SFMBT2: variants seen among roughly 807,000 people sequenced by gnomAD.
SFMBT2 encodes the protein scm-like with four MBT domains protein 2.
Under a neutral mutation model 110.1 loss-of-function variants are expected in SFMBT2, and 38 were observed. The ratio of observed to expected loss-of-function variants is 0.35; its 90% CI spans 0.27 to 0.45. The LOEUF is 0.45. Among genes scored for constraint, SFMBT2 ranks in the 20% least tolerant of loss-of-function variants. The pLI is 1.00. For missense variants in SFMBT2, 1,011 were observed against 1,094.9 expected, an observed-to-expected ratio of 0.92 and a Z score of 1.08; for synonymous variants, 425 against 425.4, an observed-to-expected ratio of 1.00 and a Z score of 0.01.
intron 16 of SFMBT2, among the ~76,000 whole-genome samples, chr10:7,177,467 C>A (rs983587446): frequency 2.0e-5 from 3 of 152,044 alleles, no homozygotes; most frequent in African/African-American, 7.2e-5. Flanking sequence ...GAAGCCATAA[C>A]CCCCGATAGG....
Position 7,163,905 on chromosome 10 carries a change from A to G in SFMBT2, c.2550T>C (p.Ile850=). The G allele has an allele frequency of 4.3e-6, 7 of 1,612,544 alleles. No homozygotes were observed. Among genetic ancestry groups the G allele is most frequent in the Non-Finnish European group, 5.9e-6 (7 of 1,179,312 alleles). ...PLAKIFQEQD[I]DGQALLLLTL... ...TCAGAAGCAGGAGTGCTTGGCCGTC[A>G]ATATCCTGCAGGAAAAGAAAGGCAG... The change falls in exon 21 of 21, where the codon ATT becomes ATC. Residue 850 remains isoleucine, a synonymous_variant. Coordinates refer to ENST00000397167, the MANE Select transcript of SFMBT2 (RefSeq NM_001387889.1). This position sits in a 1 kb window ranked among gnomAD's most constrained non-coding sequence, Gnocchi z 4.8.
At position 7,191,022 on chromosome 10, in the gene SFMBT2, G is replaced by A. The variant is rs1032559861; in HGVS notation, c.1699-2289C>T. 2.7e-5 allele frequency among the ~76,000 whole-genome samples: 4 copies of A among 150,870 alleles called. No homozygotes were observed. The East Asian group carries it at 5.8e-4, about 22-fold the overall frequency. ...CTCCCATTCTCTCGTCTGCTGCCAT[G>A]TAAGACGTGCCTTTTGCCGTCTGCC... On this transcript the variant is annotated intron_variant, in intron 15 of 20. Coordinates refer to ENST00000397167, the MANE Select transcript of SFMBT2 (RefSeq NM_001387889.1).
Position 7,162,007 on chromosome 10 carries a change from A to G in SFMBT2, c.*1763T>C, listed in dbSNP as rs1837562155. On this transcript the variant is annotated 3_prime_UTR_variant, in exon 21 of 21. Transcript: ENST00000397167. The stretch of plus-strand genomic sequence containing the variant: ...CTGTGGGAGGGTTTGGTTTCCTTGC[A>G]TAAGTTTAAGAAGGCATCTTGGCAG... 6.6e-6 allele frequency: 1 copy of G among 152,230 alleles called. No homozygotes were observed. The highest frequency in any genetic ancestry group is 1.5e-5 in the Non-Finnish European group (1 of 68,100). The allele number at this position is 152,230 out of a possible 1,614,324, so 9.4% of individuals were successfully genotyped here.
At chr10:7,341,801 G>C (rs1480279977) in intron 4 of SFMBT2, among the ~76,000 whole-genome samples, 1 of 152,212 alleles carries the variant, frequency 6.6e-6, no homozygotes, top group Non-Finnish European at 1.5e-5. Context: ...GGATGGCTTT[G>C]AACAGCTCAT....
chr10:7,350,112 A>G (rs1380516272), intron 4 of SFMBT2, among the ~76,000 whole-genome samples: 1 of 151,986 alleles, frequency 6.6e-6, no homozygotes, highest in Admixed American at 6.6e-5. Flanking sequence ...GTTCGTGGCT[A>G]GGTCATGGTG....
At chr10:7,283,772 T>G in intron 6 of SFMBT2, 132 bp downstream of exon 6, 1 of 735,634 alleles carries the variant, frequency 1.4e-6, no homozygotes, top group Non-Finnish European at 2.3e-6. Flanking sequence ...ATTGTGAAGT[T>G]AAAGTGCTTA....
chr10:7,204,753 A>G (rs1749099091), intron 12 of SFMBT2: 1 of 192,994 alleles, frequency 5.2e-6, no homozygotes, highest in African/African-American at 2.4e-5. Context: ...CACGCCTGTT[A>G]TCTCAGCTAC....
intron 1 of SFMBT2, among the ~76,000 whole-genome samples, chr10:7,395,114 T>C (rs1845887761): frequency 6.6e-6 from 1 of 151,790 alleles, no homozygotes. Context: ...AGGTCAGGAG[T>C]TCGAGACCAG....
chr10:7,269,466 A>G (rs982660370), intron 7 of SFMBT2, among the ~76,000 whole-genome samples: 4 of 152,194 alleles, frequency 2.6e-5, no homozygotes, highest in African/African-American at 9.7e-5. Context: ...AAGTGTAAAA[A>G]TAATAAAAAG....
At chr10:7,190,386 C>T (rs995638431) in intron 15 of SFMBT2, among the ~76,000 whole-genome samples, 6 of 152,176 alleles carry the variant, frequency 3.9e-5, no homozygotes, top group African/African-American at 9.7e-5. Flanking sequence ...CCCAGAGCTG[C>T]ATGTTATTTG....
intron 7 of SFMBT2, 121 bp from the exon 8 acceptor site, chr10:7,248,770 T>G (rs1840705466): frequency 4.0e-6 from 3 of 742,832 alleles, no homozygotes; most frequent in Non-Finnish European, 6.5e-6. Context: ...ACAATTAACC[T>G]TCCCTGTTTC....
intron 11 of SFMBT2, among the ~76,000 whole-genome samples, chr10:7,216,080 G>A (rs924055681): frequency 2.6e-5 from 4 of 152,180 alleles, no homozygotes; most frequent in Admixed American, 1.3e-4. Context: ...TTAGAAATGG[G>A]GAAACCAGGG....
chr10:7,266,378 C>T (rs1356085141), intron 7 of SFMBT2, among the ~76,000 whole-genome samples: 1 of 152,174 alleles, frequency 6.6e-6, no homozygotes, highest in Non-Finnish European at 1.5e-5. Context: ...GCATGAGCCA[C>T]CACGCCCAGT....
At position 7,170,849 on chromosome 10, in the gene SFMBT2, A is replaced by C. The variant is rs1837853887; in HGVS notation, c.2544+79T>G. On this transcript the variant is annotated intron_variant, in intron 20 of 20. Coordinates refer to ENST00000397167, the MANE Select transcript of SFMBT2 (RefSeq NM_001387889.1). This position sits in a 1 kb window ranked among gnomAD's most constrained non-coding sequence, Gnocchi z 4.6. ...GAACCCCCTCGCAGGTGTCACGAGG[A>C]AGCCGGCTAGGACACGAGGTTCATT... The C allele has an allele frequency of 1.3e-6, 2 of 1,576,598 alleles. No individual in the cohort carries two copies. Among genetic ancestry groups the C allele is most frequent in the Non-Finnish European group, 1.7e-6 (2 of 1,151,566 alleles).
At position 7,394,581 on chromosome 10, in the gene SFMBT2, C is replaced by T. The variant is rs186349170; in HGVS notation, c.-51-12632G>A. On this transcript the variant is annotated intron_variant, in intron 1 of 20. Transcript: ENST00000397167. ...CTGCGTCCTTAGGTCTCTGCAAACA[C>T]GCCAGGAGTGACTACTCTCAGTGCA... 1.3e-4 allele frequency among the ~76,000 whole-genome samples: 19 copies of T among 150,772 alleles called. No individual in the cohort carries two copies. In the East Asian group the frequency reaches 2.4e-3, roughly 19 times the overall value.
rs1839094262 is a variant in SFMBT2 at position 7,205,348 on chromosome 10, C to T, written c.1444+467G>A. ...CTCAAGCATTCTCCTGCCTTGGCCT[C>T]CCAAAGTACTGAGATTATAGGAATG... is the stretch of plus-strand genomic sequence containing the variant. On this transcript the variant is annotated intron_variant, in intron 12 of 20. Transcript: ENST00000397167. The T allele has an allele frequency of 3.1e-6, 3 of 961,770 alleles. No individual in the cohort carries two copies. The South Asian group carries it at 1.4e-4, about 46-fold the overall frequency. The allele number at this position is 961,770 out of a possible 1,614,324, so 59.6% of individuals were successfully genotyped here.
intron 20 of SFMBT2, among the ~76,000 whole-genome samples, chr10:7,166,684 C>A (rs1186966968): frequency 6.6e-6 from 1 of 152,142 alleles, no homozygotes; most frequent in Non-Finnish European, 1.5e-5. Flanking sequence ...ACAGGACAGG[C>A]AACCAAGCCA....
intron 14 of SFMBT2, among the ~76,000 whole-genome samples, chr10:7,199,358 C>T (rs1838878954): frequency 1.3e-5 from 2 of 152,074 alleles, no homozygotes; most frequent in Non-Finnish European, 2.9e-5. Flanking sequence ...CCTGACTCTA[C>T]CCAAGCTCCA....
chr10:7,178,017 C>A (rs1450661600), intron 16 of SFMBT2, among the ~76,000 whole-genome samples: 1 of 152,232 alleles, frequency 6.6e-6, no homozygotes, highest in Non-Finnish European at 1.5e-5. Context: ...TCATCTTGGA[C>A]TTTAGGCCTC....
Sources: allele counts gnomAD v4.1 joint callset (sites outside exome capture counted in the v4.1 genomes callset), GRCh38; gene constraint gnomAD v4.1.1; non-coding constraint Gnocchi (gnomAD v3.1); transcripts MANE v1.5; gene names NCBI Gene and HGNC (gene_info 2026-07-23, HGNC 2026-07-21).